Variants in C1R observed in about 807,000 individuals in gnomAD.
C1R encodes complement C1r.
Under a neutral mutation model 27.6 loss-of-function variants are expected in C1R, and 15 were observed. That is an observed-to-expected ratio of 0.54 (90% confidence interval 0.36 to 0.84). The LOEUF (loss-of-function observed/expected upper bound fraction) is 0.84. Among genes scored for constraint, C1R ranks in the 40% least tolerant of loss-of-function variants. The pLI is 0.01. For missense variants in C1R, 544 were observed against 577.9 expected, an observed-to-expected ratio of 0.94 and a Z score of 0.60; for synonymous variants, 253 against 228.8, an observed-to-expected ratio of 1.11 and a Z score of -0.95.
chr12:7,083,595 T>C (rs1208865430), intron 9 of C1R, among the ~76,000 whole-genome samples: 4 of 151,070 alleles, frequency 2.6e-5, no homozygotes, highest in African/African-American at 9.7e-5. Context: ...GTGTTACTGT[T>C]GGTGGTGATG....
rs546910351 is a variant in C1R, at chr12:7,092,423, G to A, written c.-35C>T. Reference sequence around the variant, plus strand: ...CCCGTGTTGAATCCTGGGCTCTCCCGACAGCGTCTTCGTGCACTGTGTGCA... The same window carrying A: ...CCCGTGTTGAATCCTGGGCTCTCCCAACAGCGTCTTCGTGCACTGTGTGCA... On this transcript the variant is annotated 5_prime_UTR_variant, in exon 1 of 11. Transcript: ENST00000647956. The A allele has an allele frequency of 2.4e-5, 19 of 780,728 alleles. No individual in the cohort carries two copies. Among genetic ancestry groups the A allele is most frequent in the South Asian group, 2.0e-4 (15 of 74,568 alleles). 48.4% of individuals were successfully genotyped at this position (780,728 alleles called of 1,614,324 possible). A position where few individuals can be genotyped will look rare whatever the true frequency, so the allele number is the denominator to read the frequency against.
rs370513331 is a variant in C1R, at chr12:7,081,476, GT to G, written c.1349-176del. 0.061 allele frequency among the ~76,000 whole-genome samples: 8,206 copies of G among 134,664 alleles called. 259 individuals are homozygous for G. Among genetic ancestry groups the G allele is most frequent in the East Asian group, 0.11 (527 of 4,710 alleles). The allele number at this position is 134,664 out of a possible 152,430, so 88.3% of individuals were successfully genotyped here. A position where few individuals can be genotyped will look rare whatever the true frequency, so the allele number is the denominator to read the frequency against. ...CTATTGACAGGCTCTTCTTGTTCTT[GT>G]TTTTTTTTTTTTTTTAAATTATTAT... On this transcript the variant is annotated intron_variant, in intron 10 of 10. Coordinates refer to ENST00000647956, the MANE Select transcript of C1R (RefSeq NM_001733.7).
rs1311117095 is a variant in C1R at position 7,085,892 on chromosome 12, C to G, written c.1242G>C (p.Gln414His). 7.5e-6 allele frequency: 3 copies of G among 398,574 alleles called. No homozygotes were observed. The highest frequency in any genetic ancestry group is 4.4e-5 in the Admixed American group (1 of 22,716). The allele number at this position is 398,574 out of a possible 1,614,324, so 24.7% of individuals were successfully genotyped here. A position where few individuals can be genotyped will look rare whatever the true frequency, so the allele number is the denominator to read the frequency against. The change falls in exon 9 of 11, where the codon CAG becomes CAC. Residue 414 changes from glutamine (Q) to histidine (H), a missense_variant. By Grantham distance (24) the Gln-to-His change is conservative (BLOSUM62 0). Coordinates refer to ENST00000647956, the MANE Select transcript of C1R (RefSeq NM_001733.7). ...CAGACTCCCTGCTGCCAGCTCTGGTCTGCATCTTGTAATATGGCTCATGGC... is the reference window on the plus strand; with the variant it reads ...CAGACTCCCTGCTGCCAGCTCTGGTGTGCATCTTGTAATATGGCTCATGGC... Reference protein sequence around the residue: ...YYCHEPYYKMQTRAGSRESEQ... With the variant: ...YYCHEPYYKMHTRAGSRESEQ...
chr12:7,081,621 T>C (rs758869371), intron 10 of C1R, among the ~76,000 whole-genome samples: 2 of 152,296 alleles, frequency 1.3e-5, no homozygotes, highest in East Asian at 3.9e-4. Context: ...GCCACTCAAG[T>C]AGCTGGGACT....
Position 7,088,932 on chromosome 12 carries a change from C to CG in C1R, c.822dup (p.Asp275ArgfsTer17). On this transcript the variant is annotated frameshift_variant, in exon 6 of 11. Transcript: ENST00000647956. LOFTEE classifies it high-confidence loss of function. ...ACAGCATTGCTGCTGGTGTCGAGGT[C>CG]GGGGGGCCTTTGCTTCCCACAGAAC... is the stretch of plus-strand genomic sequence containing the variant. 2 of 761,630 alleles carry CG rather than the reference C, an allele frequency of 2.6e-6. No homozygotes were observed. The highest frequency in any genetic ancestry group is 2.5e-5 in the East Asian group (1 of 40,558). 47.2% of individuals were successfully genotyped at this position (761,630 alleles called of 1,614,324 possible). A position where few individuals can be genotyped will look rare whatever the true frequency, so the allele number is the denominator to read the frequency against.
chr12:7,088,490 T>C lies in C1R; in HGVS notation c.1038+120A>G, dbSNP rs192083283. Reference sequence around the variant, plus strand: ...TTTGAGAGCTGGTGGACCAGGAGACTCTTCCAGCTGAAACGTCTACGACTC... The same window carrying C: ...TTTGAGAGCTGGTGGACCAGGAGACCCTTCCAGCTGAAACGTCTACGACTC... On this transcript the variant is annotated intron_variant, in intron 7 of 10. Coordinates refer to ENST00000647956, the MANE Select transcript of C1R (RefSeq NM_001733.7). The C allele has an allele frequency of 4.9e-3, 3,499 of 715,662 alleles. 10 individuals carry two copies. The highest frequency in any genetic ancestry group is 5.9e-3 in the Non-Finnish European group (2,282 of 385,030). 44.3% of individuals were successfully genotyped at this position (715,662 alleles called of 1,614,324 possible). A position where few individuals can be genotyped will look rare whatever the true frequency, so the allele number is the denominator to read the frequency against.
Position 7,081,000 on chromosome 12 carries a change from C to T in C1R, c.1650G>A (p.Glu550=). Residue 550 remains glutamate (E), a synonymous_variant, in exon 11 of 11, where the codon GAG becomes GAA. Transcript: ENST00000647956. The surrounding 1 kb of genome is among the most constrained non-coding windows in gnomAD (Gnocchi z 4.9). ...CGATGTCCCCCTCAAAATTGTAGGACTCATCCTGACGGTAGTCCGGGTGGA... is the reference window on the plus strand; with the variant it reads ...CGATGTCCCCCTCAAAATTGTAGGATTCATCCTGACGGTAGTCCGGGTGGA... ...VSVHPDYRQD[E]SYNFEGDIAL... The T allele has an allele frequency of 6.2e-7, 1 of 1,614,038 alleles. No homozygotes were observed.
At chr12:7,081,449 G>T in intron 10 of C1R, 148 bp from the exon 11 acceptor site, 1 of 675,842 alleles carries the variant, frequency 1.5e-6, no homozygotes, top group Non-Finnish European at 2.6e-6. Flanking sequence ...TCCGTCATTG[G>T]CCTATTGACA....
intron 9 of C1R, 25 bp from the exon 10 acceptor site, chr12:7,082,131 A>G (rs759775152): frequency 1.5e-6 from 2 of 1,353,058 alleles, no homozygotes; most frequent in South Asian, 1.2e-5. Context: ...GGCAAGAATC[A>G]AGTTGGGGGG....
chr12:7,082,093 G>A lies in C1R; in HGVS notation c.1287C>T (p.Cys429=). 6.5e-7 allele frequency: 1 copy of A among 1,529,682 alleles called. No individual in the cohort carries two copies. Among genetic ancestry groups the A allele is most frequent in the Non-Finnish European group, 8.8e-7 (1 of 1,140,044 alleles). The allele number at this position is 1,529,682 out of a possible 1,614,324, so 94.8% of individuals were successfully genotyped here. The change falls in exon 10 of 11, where the codon TGC becomes TGT. Residue 429 remains cysteine (C), a synonymous_variant. Transcript: ENST00000647956. ...CATTCTTCCAAATGCCCTGTGCTGT[G>A]CAGGTGTACACCCCTGAGGGCAGAG... The part of the protein sequence containing the change: ...SRESEQGVYT[C]TAQGIWKNEQ...
chr12:7,092,057 GC>G (rs746359373), intron 1 of C1R: 11 of 569,308 alleles, frequency 1.9e-5, no homozygotes, highest in Non-Finnish European at 3.5e-5. Context: ...CACAGGTTCA[GC>G]AAGAGCGTCT....
At position 7,089,435 on chromosome 12, in the gene C1R, T is replaced by C. The variant is rs1463057040; in HGVS notation, c.626A>G (p.Glu209Gly). ...TEASGYISSL[E>G]YPRSYPPDLR... is the part of the protein sequence containing the mutation. ...GTCAGGGGGGTAGGACCGAGGGTAC[T>C]CCAGGCTGGAGATGTAGCCTGATGC... The change falls in exon 5 of 11, where the codon GAG becomes GGG. Residue 209 changes from glutamate (E) to glycine (G), a missense_variant. By Grantham distance (98) the Glu-to-Gly change is moderately conservative. Transcript: ENST00000647956. 2 of 779,220 alleles carry C rather than the reference T, an allele frequency of 2.6e-6. No homozygotes were observed. The highest frequency in any genetic ancestry group is 1.7e-5 in the African/African-American group (1 of 59,106). The allele number at this position is 779,220 out of a possible 1,614,324, so 48.3% of individuals were successfully genotyped here.
intron 3 of C1R, 76 bp from the exon 4 acceptor site, chr12:7,089,809 C>A: frequency 1.3e-6 from 1 of 742,978 alleles, no homozygotes; most frequent in South Asian, 1.4e-5. Flanking sequence ...AGGGAGGTCA[C>A]TCACCAGAGA....
rs766470763 is a variant in C1R at position 7,091,508 on chromosome 12, C to T, written c.175G>A (p.Val59Ile). The change falls in exon 2 of 11, where the codon GTC (valine) becomes ATC (isoleucine). Residue 59 changes from valine to isoleucine, a missense_variant. Coordinates refer to ENST00000647956, the MANE Select transcript of C1R (RefSeq NM_001733.7). The surrounding 1 kb of genome is among the most constrained non-coding windows in gnomAD (Gnocchi z 5.1). ...TVPTGYRVKL[V>I]FQQFDLEPSE... The stretch of plus-strand genomic sequence containing the variant: ...GGCTCCAGGTCAAACTGCTGGAAGA[C>T]GAGCTTCACCCTGTATCCCGTGGGG... The T allele has an allele frequency of 1.3e-4, 98 of 778,374 alleles. 1 individual carries two copies. The highest frequency in any genetic ancestry group is 2.2e-4 in the Non-Finnish European group (92 of 416,916). The allele number at this position is 778,374 out of a possible 1,614,324, so 48.2% of individuals were successfully genotyped here.
Position 7,091,335 on chromosome 12 carries a change from C to T in C1R, c.231+117G>A, listed in dbSNP as rs773233097. Reference sequence around the variant, plus strand: ...GGCATCCCCGGGCTCTCAGAGAGGCCGTTGGCCATCAGCTCTTGTGGGGCT... The same window carrying T: ...GGCATCCCCGGGCTCTCAGAGAGGCTGTTGGCCATCAGCTCTTGTGGGGCT... On this transcript the variant is annotated intron_variant, in intron 2 of 10. Transcript: ENST00000647956. This position sits in a 1 kb window ranked among gnomAD's most constrained non-coding sequence, Gnocchi z 5.1. 141 of 664,486 alleles carry T rather than the reference C, an allele frequency of 2.1e-4. No homozygotes were observed. The highest frequency in any genetic ancestry group is 3.8e-4 in the Middle Eastern group (1 of 2,634). The allele number at this position is 664,486 out of a possible 1,614,324, so 41.2% of individuals were successfully genotyped here.
At chr12:7,081,392 CT>C in intron 10 of C1R, 91 bp from the exon 11 acceptor site, 3 of 1,205,526 alleles carry the variant, frequency 2.5e-6, no homozygotes. Flanking sequence ...TTTGCCCTCT[CT>C]TTTTGGCTTC....
Position 7,080,982 on chromosome 12 carries a change from C to G in C1R, c.1668G>C (p.Gly556=), listed in dbSNP as rs764540835. The change falls in exon 11 of 11, where the codon GGG becomes GGC. Residue 556 remains glycine (G), a synonymous_variant. Coordinates refer to ENST00000647956, the MANE Select transcript of C1R (RefSeq NM_001733.7). The surrounding 1 kb of genome is among the most constrained non-coding windows in gnomAD (Gnocchi z 4.9). ...YRQDESYNFE[G]DIALLELENS... ...TTTCCAGCTCCAGCAGGGCGATGTC[C>G]CCCTCAAAATTGTAGGACTCATCCT... The G allele has an allele frequency of 1.9e-6, 3 of 1,613,868 alleles. No individual in the cohort carries two copies. The highest frequency in any genetic ancestry group is 2.5e-6 in the Non-Finnish European group (3 of 1,179,756).
chr12:7,082,203 G>C, intron 9 of C1R, 97 bp from the exon 10 acceptor site: 1 of 729,514 alleles, frequency 1.4e-6, no homozygotes, highest in Non-Finnish European at 2.4e-6. Context: ...GATGGGGAGA[G>C]GGGCAGGGAG....
intron 3 of C1R, 54 bp downstream of exon 3, chr12:7,089,999 GCCC>G: frequency 1.4e-6 from 1 of 712,334 alleles, no homozygotes. Flanking sequence ...CCCTTTCTTG[GCCC>G]CCCATTCAAT....
Sources: gnomAD v4.1 joint callset for allele counts (sites outside exome capture counted in the v4.1 genomes callset) on GRCh38, gnomAD v4.1.1 for gene constraint, Gnocchi (gnomAD v3.1) non-coding constraint, MANE v1.5 for transcripts, NCBI Gene and HGNC (gene_info 2026-07-23, HGNC 2026-07-21) for gene names.